MECOM: variants seen among roughly 807,000 people sequenced by gnomAD.
MECOM encodes MDS1 and EVI1 complex locus, also known as histone-lysine N-methyltransferase MECOM.
A neutral mutation model predicts 116.3 loss-of-function variants in MECOM; 13 were observed. That is an observed-to-expected ratio of 0.11 (90% CI 0.07 to 0.18). The LOEUF (loss-of-function observed/expected upper bound fraction) is 0.18. MECOM is among the 10% of genes least tolerant of loss of function. The pLI is 1.00. For missense variants in MECOM, 1,299 were observed against 1,509.0 expected (o/e 0.86, Z 2.31); for synonymous variants, 528 against 535.2 (o/e 0.99, Z 0.19).
At position 169,663,486 on chromosome 3, in the gene MECOM, CTCTCT is replaced by C; in HGVS notation, c.-119_-115del. Reference sequence around the variant, plus strand: ...CCCTCTCTCTCCTGTCTCTCTCTCTCTCTCTCTCTCTCTCTCTCTCTCTCTCTCTC... The same window carrying C: ...CCCTCTCTCTCCTGTCTCTCTCTCTCCTCTCTCTCTCTCTCTCTCTCTCTC... On this transcript the variant is annotated 5_prime_UTR_variant, in exon 1 of 17. Coordinates refer to ENST00000651503, the MANE Select transcript of MECOM (RefSeq NM_004991.4). 3.5e-6 allele frequency: 1 copy of C among 281,788 alleles called. No individual in the cohort carries two copies. The highest frequency in any genetic ancestry group is 4.0e-5 in the South Asian group (1 of 25,224). 17.5% of individuals were successfully genotyped at this position (281,788 alleles called of 1,614,324 possible). A position where few individuals can be genotyped will look rare whatever the true frequency, so the allele number is the denominator to read the frequency against.
chr3:169,501,362 T>A (rs1560362129), intron 1 of MECOM, among the ~76,000 whole-genome samples: 1 of 151,126 alleles, frequency 6.6e-6, no homozygotes, highest in Non-Finnish European at 1.5e-5. Flanking sequence ...AATTTTTTTT[T>A]AAAGTGAAAA....
chr3:169,397,076 CTAAAA>C (rs1251811022), intron 1 of MECOM, among the ~76,000 whole-genome samples: 4 of 152,162 alleles, frequency 2.6e-5, no homozygotes, highest in African/African-American at 9.6e-5. Flanking sequence ...AGTGACAGAT[CTAAAA>C]TGTCATTGTC....
At chr3:169,100,077 T>TTTC (rs1560140551) in intron 12 of MECOM, among the ~76,000 whole-genome samples, 1 of 129,282 alleles carries the variant, frequency 7.7e-6, no homozygotes, top group African/African-American at 2.9e-5. Flanking sequence ...TCTATTCTTT[T>TTTC]TTTCTTTCTT....
intron 2 of MECOM, among the ~76,000 whole-genome samples, chr3:169,273,391 C>T (rs1759184133): frequency 1.3e-5 from 2 of 152,144 alleles, no homozygotes; most frequent in African/African-American, 4.8e-5. Flanking sequence ...CGCTGAAGTT[C>T]TCATCACAAA....
At chr3:169,558,117 G>T (rs998975899) in intron 1 of MECOM, among the ~76,000 whole-genome samples, 6 of 152,020 alleles carry the variant, frequency 3.9e-5, no homozygotes, top group African/African-American at 1.5e-4. Flanking sequence ...ATTCCAAATG[G>T]TTCTCCCTGC....
chr3:169,339,169 A>G (rs1335996460), intron 2 of MECOM, among the ~76,000 whole-genome samples: 1 of 152,160 alleles, frequency 6.6e-6, no homozygotes, highest in Admixed American at 6.5e-5. Flanking sequence ...CCCCTGTTTT[A>G]TTATCTGTCT....
chr3:169,140,361 T>C (rs1737732166), intron 3 of MECOM, among the ~76,000 whole-genome samples: 1 of 152,122 alleles, frequency 6.6e-6, no homozygotes, highest in Non-Finnish European at 1.5e-5. Context: ...CTTGGGTATC[T>C]TTAATGGATC....
chr3:169,338,667 A>G (rs1454967153), intron 2 of MECOM, among the ~76,000 whole-genome samples: 4 of 149,388 alleles, frequency 2.7e-5, no homozygotes, highest in African/African-American at 9.9e-5. Flanking sequence ...AAGGAGAGTA[A>G]AGGGAGAGAG....
chr3:169,462,080 T>C, intron 1 of MECOM, among the ~76,000 whole-genome samples: 1 of 152,134 alleles, frequency 6.6e-6, no homozygotes, highest in East Asian at 1.9e-4. Flanking sequence ...CAAACCCTGG[T>C]GGCATTCCAA....
intron 14 of MECOM, 71 bp downstream of exon 14, chr3:169,092,887 C>G: frequency 6.3e-7 from 1 of 1,578,990 alleles, no homozygotes; most frequent in South Asian, 1.1e-5. Context: ...CAAAAGTGAG[C>G]ATAGCAAGTA....
At position 169,116,423 on chromosome 3, in the gene MECOM, T is replaced by C; in HGVS notation, c.1449A>G (p.Thr483=). The part of the protein sequence containing the change: ...NRHPAGLTFP[T]APGFSFSFPG... ...GGAAGCTAAAAGAAAATCCAGGAGC[T>C]GTTGGAAAGGTAAGACCAGCAGGAT... The change falls in exon 8 of 17, where the codon ACA becomes ACG. Residue 483 remains threonine (T), a synonymous_variant. Transcript: ENST00000651503. The C allele has an allele frequency of 6.2e-7, 1 of 1,614,148 alleles. No homozygotes were observed. Among genetic ancestry groups the C allele is most frequent in the Non-Finnish European group, 8.5e-7 (1 of 1,180,024 alleles).
At chr3:169,231,443 G>A (rs1474133062) in intron 2 of MECOM, among the ~76,000 whole-genome samples, 1 of 152,046 alleles carries the variant, frequency 6.6e-6, no homozygotes, top group African/African-American at 2.4e-5. Context: ...AAACTAACAA[G>A]TTACTTACAA....
At chr3:169,309,896 T>C (rs1237851680) in intron 2 of MECOM, among the ~76,000 whole-genome samples, 2 of 152,170 alleles carry the variant, frequency 1.3e-5, no homozygotes, top group African/African-American at 4.8e-5. Context: ...TCAGGATGTG[T>C]GATGCTATGA....
At chr3:169,530,081 A>T (rs1758419584) in intron 1 of MECOM, among the ~76,000 whole-genome samples, 1 of 152,232 alleles carries the variant, frequency 6.6e-6, no homozygotes, top group African/African-American at 2.4e-5. Flanking sequence ...AGAAAATTTC[A>T]CAAAACAGGT....
At chr3:169,514,460 G>A (rs921033526) in intron 1 of MECOM, among the ~76,000 whole-genome samples, 1 of 152,182 alleles carries the variant, frequency 6.6e-6, no homozygotes. Flanking sequence ...GAAAGAAGAG[G>A]TTTTGAGGAT....
At position 169,262,509 on chromosome 3, in the gene MECOM, T is replaced by C. The variant is rs968493668; in HGVS notation, c.376-118677A>G. 2.0e-5 allele frequency among the ~76,000 whole-genome samples: 3 copies of C among 152,260 alleles called. No homozygotes were observed. The East Asian group carries it at 5.8e-4, about 29-fold the overall frequency. On this transcript the variant is annotated intron_variant, in intron 2 of 16. Coordinates refer to ENST00000651503, the MANE Select transcript of MECOM (RefSeq NM_004991.4). ...CATTCCCCAGCTCTGCTTGCCCTGA[T>C]AGAGAGTCGTGGGACGGAATTTGAC...
At chr3:169,506,348 G>T (rs982853905) in intron 1 of MECOM, among the ~76,000 whole-genome samples, 1 of 152,148 alleles carries the variant, frequency 6.6e-6, no homozygotes, top group Non-Finnish European at 1.5e-5. Context: ...CCACATCCCC[G>T]CTGGTGCCGT....
intron 2 of MECOM, among the ~76,000 whole-genome samples, chr3:169,151,004 G>A (rs1022453706): frequency 1.1e-4 from 16 of 152,172 alleles, no homozygotes; most frequent in Non-Finnish European, 1.3e-4. Flanking sequence ...TTGTGTAACT[G>A]TTTATTTAAA....
intron 1 of MECOM, among the ~76,000 whole-genome samples, chr3:169,629,672 C>T (rs1406998725): frequency 1.3e-5 from 2 of 152,178 alleles, no homozygotes; most frequent in Non-Finnish European, 2.9e-5. Flanking sequence ...AGTCCACACC[C>T]CACCCCAAGA....
Sources: gnomAD v4.1 joint callset for allele counts (sites outside exome capture counted in the v4.1 genomes callset) on GRCh38, gnomAD v4.1.1 for gene constraint, MANE v1.5 for transcripts, NCBI Gene and HGNC (gene_info 2026-07-23, HGNC 2026-07-21) for gene names.